NIBAN1: variants seen among roughly 807,000 people sequenced by gnomAD.
NIBAN1 encodes the protein niban apoptosis regulator 1, also known as protein Niban 1.
NIBAN1 carries 81 observed loss-of-function variants against 75.1 expected under a neutral mutation model. The observed-to-expected ratio is 1.08, with a 90% CI of 0.90 to 1.30. The LOEUF is 1.30. Among genes scored for constraint, NIBAN1 ranks in the 50% most tolerant of loss-of-function variants. The pLI, the probability that NIBAN1 is intolerant of heterozygous loss-of-function variation, is 0.00. For missense variants in NIBAN1, 1,133 were observed against 1,128.1 expected (o/e 1.00, Z -0.06); for synonymous variants, 436 against 424.8 (o/e 1.03, Z -0.32).
intron 2 of NIBAN1, among the ~76,000 whole-genome samples, chr1:184,896,276 T>A (rs1269524188): frequency 6.6e-6 from 1 of 152,200 alleles, no homozygotes; most frequent in Non-Finnish European, 1.5e-5. Flanking sequence ...GATATCTTGG[T>A]GTGGTTTTAA....
intron 5 of NIBAN1, among the ~76,000 whole-genome samples, chr1:184,858,026 C>T (rs1655722602): frequency 6.6e-6 from 1 of 151,312 alleles, no homozygotes; most frequent in East Asian, 1.9e-4. Flanking sequence ...GCAGAAAATC[C>T]AAAAGCCATA....
intron 1 of NIBAN1, among the ~76,000 whole-genome samples, chr1:184,915,640 G>A (rs1386366499): frequency 6.6e-6 from 1 of 152,108 alleles, no homozygotes; most frequent in Admixed American, 6.6e-5. Context: ...GGATGGCCTC[G>A]GCTGTATTTG....
chr1:184,914,782 G>A (rs866094494), intron 1 of NIBAN1, among the ~76,000 whole-genome samples: 2 of 149,396 alleles, frequency 1.3e-5, no homozygotes, highest in Admixed American at 6.7e-5. Context: ...GTACAGTGGC[G>A]TGATCTCGCA....
chr1:184,851,840 CTT>C lies in NIBAN1; in HGVS notation c.602-19880_602-19879del, dbSNP rs59746255. Among the ~76,000 whole-genome samples the C allele has an allele frequency of 3.7e-3, 530 of 143,846 alleles. 1 individual carries two copies. The highest frequency in any genetic ancestry group is 7.7e-3 in the African/African-American group (302 of 38,978). 94.4% of individuals were successfully genotyped at this position (143,846 alleles called of 152,430 possible). ...AGGAATATACAGGCTGATCTAACGA[CTT>C]TTTTTTTTTTTTTAACTAATCCTCT... is the stretch of plus-strand genomic sequence containing the variant. On this transcript the variant is annotated intron_variant, in intron 5 of 13. Transcript: ENST00000367511.
chr1:184,884,883 T>C (rs922584907), intron 4 of NIBAN1, 83 bp from the exon 5 acceptor site: 2 of 1,490,796 alleles, frequency 1.3e-6, no homozygotes, highest in African/African-American at 2.8e-5. Flanking sequence ...TGAGGGTGAC[T>C]ATCTGGGGCA....
chr1:184,947,079 G>GAAAAAA (rs1553230564), intron 1 of NIBAN1, among the ~76,000 whole-genome samples: 1 of 150,452 alleles, frequency 6.6e-6, no homozygotes, highest in Non-Finnish European at 1.5e-5. Flanking sequence ...ATCTCAAAAA[G>GAAAAAA]AAAAGAAAAG....
Position 184,808,359 on chromosome 1 carries a change from A to T in NIBAN1, c.1174-124T>A, listed in dbSNP as rs548149600. 5.8e-5 allele frequency: 56 copies of T among 957,308 alleles called. No homozygotes were observed. In the South Asian group the frequency reaches 8.1e-4, roughly 14 times the overall value. 59.3% of individuals were successfully genotyped at this position (957,308 alleles called of 1,614,324 possible). ...GTTGTTAAAGTGAATCACTACTTGG[A>T]TCCCTACATCTGTGACACCTTCAAC... is the stretch of plus-strand genomic sequence containing the variant. On this transcript the variant is annotated intron_variant, in intron 9 of 13. Coordinates refer to ENST00000367511, the MANE Select transcript of NIBAN1 (RefSeq NM_052966.4).
At chr1:184,858,444 A>T (rs1367752703) in intron 5 of NIBAN1, among the ~76,000 whole-genome samples, 1 of 152,208 alleles carries the variant, frequency 6.6e-6, no homozygotes, top group African/African-American at 2.4e-5. Context: ...TAAACATGAG[A>T]TAAGATCTCA....
chr1:184,929,126 A>G (rs1265805113), intron 1 of NIBAN1, among the ~76,000 whole-genome samples: 1 of 152,202 alleles, frequency 6.6e-6, no homozygotes, highest in East Asian at 1.9e-4. Context: ...GTTCCTATCC[A>G]TGATTTTAGT....
chr1:184,892,291 T>A (rs1386937562), intron 3 of NIBAN1, among the ~76,000 whole-genome samples: 1 of 152,096 alleles, frequency 6.6e-6, no homozygotes, highest in Admixed American at 6.6e-5. Context: ...CACGCAGATC[T>A]CATTTTACAG....
intron 8 of NIBAN1, among the ~76,000 whole-genome samples, chr1:184,819,355 C>A (rs901904227): frequency 1.3e-5 from 2 of 152,112 alleles, no homozygotes; most frequent in African/African-American, 4.8e-5. Flanking sequence ...CTGTCCCCAT[C>A]CCTGATTAAA....
At chr1:184,836,800 T>C (rs1655157565) in intron 5 of NIBAN1, among the ~76,000 whole-genome samples, 1 of 152,236 alleles carries the variant, frequency 6.6e-6, no homozygotes, top group Non-Finnish European at 1.5e-5. Context: ...TTTAAATACT[T>C]CCTTTCCATA....
intron 5 of NIBAN1, among the ~76,000 whole-genome samples, chr1:184,869,528 C>T (rs939122011): frequency 8.6e-5 from 13 of 151,488 alleles, no homozygotes; most frequent in Non-Finnish European, 1.6e-4. Context: ...CCATTCACTA[C>T]TTTTATTTGC....
rs545664447 is a variant in NIBAN1 at position 184,886,797 on chromosome 1, T to C, written c.434-1997A>G. Among the ~76,000 whole-genome samples the C allele has an allele frequency of 2.6e-5, 4 of 152,304 alleles. No individual in the cohort carries two copies. In the South Asian group the frequency reaches 8.3e-4, roughly 32 times the overall value. On this transcript the variant is annotated intron_variant, in intron 4 of 13. Coordinates refer to ENST00000367511, the MANE Select transcript of NIBAN1 (RefSeq NM_052966.4). Reference sequence around the variant, plus strand: ...ACTGGGAATACAAGGAAATGAATCATGACCACATGGGAGTCTACAGAACCG... The same window carrying C: ...ACTGGGAATACAAGGAAATGAATCACGACCACATGGGAGTCTACAGAACCG...
At chr1:184,804,942 C>T (rs938220400) in intron 11 of NIBAN1, among the ~76,000 whole-genome samples, 2 of 152,088 alleles carry the variant, frequency 1.3e-5, no homozygotes, top group African/African-American at 2.4e-5. Flanking sequence ...GTGCCCACCA[C>T]CACACCCGGC....
chr1:184,828,867 G>T (rs920741185), intron 6 of NIBAN1, among the ~76,000 whole-genome samples: 5 of 151,686 alleles, frequency 3.3e-5, no homozygotes, highest in African/African-American at 7.3e-5. Flanking sequence ...CACAATCACA[G>T]CTCACTGCAT....
chr1:184,954,488 AT>A (rs1174218902), intron 1 of NIBAN1, among the ~76,000 whole-genome samples: 6 of 152,186 alleles, frequency 3.9e-5, no homozygotes, highest in African/African-American at 1.4e-4. Flanking sequence ...GCAAAGGCAA[AT>A]GACCTCAGGG....
intron 5 of NIBAN1, among the ~76,000 whole-genome samples, chr1:184,859,613 C>A (rs991418403): frequency 6.6e-6 from 1 of 152,194 alleles, no homozygotes; most frequent in Non-Finnish European, 1.5e-5. Flanking sequence ...ATATATCCCA[C>A]TACCTGATTT....
At chr1:184,800,335 A>C (rs1428974266) in intron 12 of NIBAN1, among the ~76,000 whole-genome samples, 1 of 149,500 alleles carries the variant, frequency 6.7e-6, no homozygotes, top group Non-Finnish European at 1.5e-5. Context: ...CTCTGATGGT[A>C]GTTTCTTTTG....
Sources: allele counts gnomAD v4.1 joint callset (sites outside exome capture counted in the v4.1 genomes callset), GRCh38; gene constraint gnomAD v4.1.1; transcripts MANE v1.5; gene names NCBI Gene and HGNC (gene_info 2026-07-23, HGNC 2026-07-21).